Variants in RANBP2 observed in about 807,000 individuals in gnomAD.
RANBP2 encodes RAN binding protein 2, also known as E3 SUMO-protein ligase RanBP2.
Under a neutral mutation model 303.6 loss-of-function variants are expected in RANBP2, and 57 were observed. The observed-to-expected ratio is 0.19, with a 90% confidence interval of 0.15 to 0.23. RANBP2 has a LOEUF of 0.23. RANBP2 is among the 10% of genes least tolerant of loss of function. The pLI is 1.00. For synonymous variants in RANBP2, 1,167 were observed against 1,301.5 expected (o/e 0.90, Z 2.23); for missense variants, 3,138 against 3,780.8 (o/e 0.83, Z 4.46).
chr2:108,923,198 T>C, the RANBP2 span, among the ~76,000 whole-genome samples: 25,947 of 152,098 alleles, frequency 0.17, 4,143 homozygotes, highest in African/African-American at 0.43. Flanking sequence ...GTGGCAAACA[T>C]CCCTCCCTTC....
At chr2:109,005,379 G>C in the RANBP2 span, among the ~76,000 whole-genome samples, 1 of 152,180 alleles carries the variant, frequency 6.6e-6, no homozygotes, top group Non-Finnish European at 1.5e-5. Context: ...TCCACAGCCT[G>C]GATCTCCCTC....
At chr2:109,186,668 G>T in the RANBP2 span, among the ~76,000 whole-genome samples, 1 of 152,204 alleles carries the variant, frequency 6.6e-6, no homozygotes, top group African/African-American at 2.4e-5. Flanking sequence ...GACCCTGCGG[G>T]AAATGCATCT....
At chr2:109,354,513 GA>G in the RANBP2 span, among the ~76,000 whole-genome samples, 6 of 152,240 alleles carry the variant, frequency 3.9e-5, no homozygotes, top group Admixed American at 2.6e-4. Context: ...TTAGGAGAGG[GA>G]AATCTTAGGC....
In RANBP2 at chr2:108,782,760, T is replaced by C; in HGVS notation, c.9267T>C (p.Val3089=). 6.2e-7 allele frequency: 1 copy of C among 1,614,202 alleles called. No homozygotes were observed. Among genetic ancestry groups the C allele is most frequent in the Non-Finnish European group, 8.5e-7 (1 of 1,180,034 alleles). Residue 3089 remains valine, a synonymous_variant, in exon 28 of 29, where the codon GTT becomes GTC. Coordinates refer to ENST00000283195, the MANE Select transcript of RANBP2 (RefSeq NM_006267.5). ...CTATGGAATTATTTTCAAACATTGT[T>C]CCTCGGACTGCTGAGAACTTCAGAG... ...RITMELFSNI[V]PRTAENFRAL... is the part of the protein sequence containing the mutation.
At chr2:109,714,544 C>A in the RANBP2 span, among the ~76,000 whole-genome samples, 4 of 152,090 alleles carry the variant, frequency 2.6e-5, no homozygotes, top group Non-Finnish European at 5.9e-5. Flanking sequence ...TCGTAATCTG[C>A]CTACCTTGGC....
the RANBP2 span, chr2:108,882,153 C>CAA: frequency 2.2e-5 from 2 of 90,218 alleles, no homozygotes; most frequent in Non-Finnish European, 2.3e-5. Flanking sequence ...GACCCTGTCT[C>CAA]AAAAAAAAAA....
chr2:109,614,191 C>A, the RANBP2 span: 4 of 1,135,784 alleles, frequency 3.5e-6, no homozygotes, highest in Non-Finnish European at 3.3e-6. Context: ...TTGCGGCCCT[C>A]GCGAGGCCGG....
the RANBP2 span, among the ~76,000 whole-genome samples, chr2:109,078,649 T>C: frequency 6.7e-6 from 1 of 150,080 alleles, no homozygotes; most frequent in East Asian, 1.9e-4. Flanking sequence ...TAAAATTTGC[T>C]AAGAGAGCAG....
chr2:109,169,692 A>G, the RANBP2 span, among the ~76,000 whole-genome samples: 5 of 152,146 alleles, frequency 3.3e-5, no homozygotes, highest in South Asian at 2.1e-4. Flanking sequence ...TTGTTTGGCT[A>G]TATCTCTCTC....
Position 108,784,207 on chromosome 2 carries a change from T to C in RANBP2, c.*306T>C. 4.1e-6 allele frequency: 1 copy of C among 243,560 alleles called. No homozygotes were observed. Among genetic ancestry groups the C allele is most frequent in the East Asian group, 9.1e-5 (1 of 11,026 alleles). The allele number at this position is 243,560 out of a possible 1,614,324, so 15.1% of individuals were successfully genotyped here. On this transcript the variant is annotated 3_prime_UTR_variant, in exon 29 of 29. Transcript: ENST00000283195. Reference sequence around the variant, plus strand: ...CTCAAACTATTGAAGGAATATGATATATGCAATTTAATTTTAATTCCTTTT... The same window carrying C: ...CTCAAACTATTGAAGGAATATGATACATGCAATTTAATTTTAATTCCTTTT...
At chr2:109,326,201 T>G in the RANBP2 span, among the ~76,000 whole-genome samples, 2 of 152,234 alleles carry the variant, frequency 1.3e-5, no homozygotes, top group African/African-American at 4.8e-5. Flanking sequence ...AAGGTGTTTT[T>G]CTGTAACTTG....
chr2:108,944,488 T>TGCG, the RANBP2 span, among the ~76,000 whole-genome samples: 25 of 152,356 alleles, frequency 1.6e-4, no homozygotes, highest in Non-Finnish European at 1.0e-4. Flanking sequence ...ATGGAGCCAA[T>TGCG]GCTGTTGCCT....
At chr2:108,738,120 G>C (rs1695765766) in intron 6 of RANBP2, among the ~76,000 whole-genome samples, 2 of 151,446 alleles carry the variant, frequency 1.3e-5, no homozygotes, top group Non-Finnish European at 2.9e-5. Flanking sequence ...CTGTCGCCCA[G>C]GCTGGAGTGC....
chr2:109,731,388 GTTT>G, the RANBP2 span, among the ~76,000 whole-genome samples: 2 of 151,664 alleles, frequency 1.3e-5, no homozygotes, highest in Non-Finnish European at 2.9e-5. Context: ...TCAATTTTTA[GTTT>G]TTTAATTTTT....
At chr2:108,834,462 G>A in the RANBP2 span, among the ~76,000 whole-genome samples, 7 of 151,944 alleles carry the variant, frequency 4.6e-5, no homozygotes, top group Non-Finnish European at 8.8e-5. Flanking sequence ...TGATCCACAC[G>A]CCTTGGCCTC....
chr2:109,274,971 T>C, the RANBP2 span, among the ~76,000 whole-genome samples: 2 of 152,198 alleles, frequency 1.3e-5, no homozygotes, highest in Non-Finnish European at 1.5e-5. Flanking sequence ...TTTCCTGTTA[T>C]ATGAATTTTG....
At chr2:109,103,343 G>A in the RANBP2 span, among the ~76,000 whole-genome samples, 1 of 152,200 alleles carries the variant, frequency 6.6e-6, no homozygotes, top group Non-Finnish European at 1.5e-5. Context: ...TGTGCCCAAT[G>A]TATACCTCAT....
At chr2:109,506,989 T>C in the RANBP2 span, among the ~76,000 whole-genome samples, 3 of 152,206 alleles carry the variant, frequency 2.0e-5, no homozygotes, top group Non-Finnish European at 4.4e-5. Context: ...CAGGGAGGCC[T>C]TGACGGCTGG....
At chr2:109,005,498 T>TC in the RANBP2 span, among the ~76,000 whole-genome samples, 4 of 152,112 alleles carry the variant, frequency 2.6e-5, no homozygotes, top group Non-Finnish European at 5.9e-5. Context: ...CATCTTCCCT[T>TC]CCACCCTGTC....
Sources: allele counts gnomAD v4.1 joint callset (sites outside exome capture counted in the v4.1 genomes callset), GRCh38; gene constraint gnomAD v4.1.1; transcripts MANE v1.5; gene names NCBI Gene and HGNC (gene_info 2026-07-23, HGNC 2026-07-21).